DNAAF9: variants seen among roughly 807,000 people sequenced by gnomAD.
DNAAF9 encodes dynein axonemal assembly factor 9.
DNAAF9 carries 90 observed loss-of-function variants against 167.0 expected under a neutral mutation model. That is an observed-to-expected ratio of 0.54 (90% CI 0.45 to 0.64). DNAAF9 has a LOEUF of 0.64. Among genes scored for constraint, DNAAF9 ranks in the 30% least tolerant of loss-of-function variants. DNAAF9 has a pLI of 0.00. For missense variants in DNAAF9, 1,315 were observed against 1,442.2 expected, an observed-to-expected ratio of 0.91 and a Z score of 1.43; for synonymous variants, 491 against 508.8, an observed-to-expected ratio of 0.96 and a Z score of 0.47.
At chr20:3,358,867 G>A (rs1042039525) in intron 7 of DNAAF9, among the ~76,000 whole-genome samples, 2 of 152,102 alleles carry the variant, frequency 1.3e-5, no homozygotes, top group African/African-American at 2.4e-5. Context: ...AGACACCACT[G>A]ACCTGCCTAA....
At chr20:3,308,193 T>A (rs547725040) in intron 20 of DNAAF9, among the ~76,000 whole-genome samples, 1 of 152,148 alleles carries the variant, frequency 6.6e-6, no homozygotes, top group South Asian at 2.1e-4. Flanking sequence ...CTTAGTTTTG[T>A]CTGTGTTTTT....
intron 32 of DNAAF9, 66 bp from the exon 33 acceptor site, chr20:3,259,620 G>T: frequency 8.7e-7 from 1 of 1,153,032 alleles, no homozygotes; most frequent in Non-Finnish European, 1.3e-6. Flanking sequence ...GGACAGCACA[G>T]CTGGGAGTTT....
At chr20:3,303,501 T>C (rs1377493795) in intron 21 of DNAAF9, among the ~76,000 whole-genome samples, 1 of 152,196 alleles carries the variant, frequency 6.6e-6, no homozygotes, top group Non-Finnish European at 1.5e-5. Flanking sequence ...CATGATGCAT[T>C]CTTTCTTCCC....
Position 3,294,686 on chromosome 20 carries a change from T to C in DNAAF9, c.2019-57A>G, listed in dbSNP as rs900038888. ...CCATCTTCCTTCAGCATATACACTT[T>C]ACACAACTGGGCCTGATGCTTTCAA... On this transcript the variant is annotated intron_variant, in intron 23 of 36. Coordinates refer to ENST00000252032, the MANE Select transcript of DNAAF9 (RefSeq NM_001009984.3). 2.7e-6 allele frequency: 3 copies of C among 1,122,232 alleles called. No homozygotes were observed. In the African/African-American group the frequency reaches 4.6e-5, roughly 17 times the overall value. 69.5% of individuals were successfully genotyped at this position (1,122,232 alleles called of 1,614,324 possible). A position where few individuals can be genotyped will look rare whatever the true frequency, so the allele number is the denominator to read the frequency against.
At chr20:3,320,105 T>C (rs940370431) in intron 16 of DNAAF9, among the ~76,000 whole-genome samples, 3 of 152,202 alleles carry the variant, frequency 2.0e-5, no homozygotes, top group Non-Finnish European at 4.4e-5. Context: ...TGTTATGTAC[T>C]TCCCACCATG....
At chr20:3,358,018 A>G (rs904526526) in intron 7 of DNAAF9, among the ~76,000 whole-genome samples, 10 of 151,840 alleles carry the variant, frequency 6.6e-5, no homozygotes, top group Admixed American at 3.9e-4. Context: ...AAAAATATAT[A>G]TATTTTTAAA....
intron 1 of DNAAF9, among the ~76,000 whole-genome samples, chr20:3,385,339 A>T (rs892428852): frequency 1.3e-5 from 2 of 152,204 alleles, no homozygotes; most frequent in African/African-American, 4.8e-5. Context: ...AGGAAATCTT[A>T]AGGATTCTAC....
chr20:3,318,312 G>A lies in DNAAF9; in HGVS notation c.1445C>T (p.Ser482Phe). The A allele has an allele frequency of 1.3e-6, 2 of 1,554,934 alleles. No individual in the cohort carries two copies. The highest frequency in any genetic ancestry group is 8.9e-7 in the Non-Finnish European group (1 of 1,129,230). ...ACCCTTTTCTTTAACTAAGATCTGA[G>A]AAGTCAAAAATGATTCAGAGAAAAC... ...SVVFSESFLT[S>F]QILVKEKDGT... Residue 482 changes from serine (S) to phenylalanine (F), a missense_variant, in exon 17 of 37, where the codon TCT becomes TTT. Physicochemically the swap from Ser to Phe is radical, Grantham distance 155. Transcript: ENST00000252032.
intron 25 of DNAAF9, 97 bp downstream of exon 25, chr20:3,294,042 T>C: frequency 1.4e-6 from 1 of 735,658 alleles, no homozygotes; most frequent in Non-Finnish European, 2.4e-6. Flanking sequence ...AGGGACTCCA[T>C]CTAAGTTCTT....
intron 25 of DNAAF9, among the ~76,000 whole-genome samples, chr20:3,292,433 AC>A (rs2068975748): frequency 6.6e-6 from 1 of 152,202 alleles, no homozygotes; most frequent in East Asian, 1.9e-4. Context: ...TATCTTCTAG[AC>A]TTGCATGGAA....
At chr20:3,343,188 G>A (rs2070121649) in intron 9 of DNAAF9, among the ~76,000 whole-genome samples, 1 of 152,244 alleles carries the variant, frequency 6.6e-6, no homozygotes, top group South Asian at 2.1e-4. Context: ...TAGAAACAGA[G>A]TTTCACTCTT....
chr20:3,285,306 G>T (rs1232446575), intron 27 of DNAAF9, among the ~76,000 whole-genome samples: 2 of 152,146 alleles, frequency 1.3e-5, no homozygotes, highest in East Asian at 3.9e-4. Context: ...CACCACTTTG[G>T]GAGGCTGAGG....
chr20:3,375,843 G>A (rs564838118), intron 4 of DNAAF9, among the ~76,000 whole-genome samples: 10 of 150,912 alleles, frequency 6.6e-5, no homozygotes, highest in South Asian at 4.2e-4. Flanking sequence ...GTGAGACTCC[G>A]TCCCAGAAAA....
intron 1 of DNAAF9, among the ~76,000 whole-genome samples, chr20:3,386,667 G>A (rs1010439016): frequency 1.3e-4 from 20 of 151,782 alleles, no homozygotes; most frequent in Non-Finnish European, 4.4e-5. Context: ...TTGAGAGAAT[G>A]AAAAGACAAG....
chr20:3,343,827 GGA>G (rs1179043348), intron 8 of DNAAF9, 96 bp from the exon 9 acceptor site: 1 of 884,104 alleles, frequency 1.1e-6, no homozygotes, highest in African/African-American at 1.7e-5. Context: ...ACATGCTTCA[GGA>G]GAGTGCACAG....
At chr20:3,389,469 G>A (rs963543880) in intron 1 of DNAAF9, among the ~76,000 whole-genome samples, 3 of 151,826 alleles carry the variant, frequency 2.0e-5, no homozygotes, top group Non-Finnish European at 4.4e-5. Flanking sequence ...AATTTTTTTA[G>A]AAGTTAAAAA....
At position 3,322,271 on chromosome 20, in the gene DNAAF9, G is replaced by C; in HGVS notation, c.1311-9C>G. 6.3e-7 allele frequency: 1 copy of C among 1,593,674 alleles called. No homozygotes were observed. The highest frequency in any genetic ancestry group is 1.3e-5 in the African/African-American group (1 of 74,642). On this transcript the variant is annotated splice_polypyrimidine_tract_variant and intron_variant, in intron 15 of 36. Coordinates refer to ENST00000252032, the MANE Select transcript of DNAAF9 (RefSeq NM_001009984.3). Reference sequence around the variant, plus strand: ...TGTCCAGCGGTACAATTCTAGGAGGGGAAAGAGATGGAAGACTATGTTAAA... The same window carrying C: ...TGTCCAGCGGTACAATTCTAGGAGGCGAAAGAGATGGAAGACTATGTTAAA...
At chr20:3,293,036 A>T (rs946801076) in intron 25 of DNAAF9, among the ~76,000 whole-genome samples, 1 of 151,962 alleles carries the variant, frequency 6.6e-6, no homozygotes, top group African/African-American at 2.4e-5. Context: ...CAGTGAGCCA[A>T]GATTGTGCCA....
In DNAAF9 at chr20:3,316,753, A is replaced by G. The variant is rs2069507094; in HGVS notation, c.1509T>C (p.Thr503=). 1 of 1,613,912 alleles carries G rather than the reference A, an allele frequency of 6.2e-7. No homozygotes were observed. The highest frequency in any genetic ancestry group is 8.5e-7 in the Non-Finnish European group (1 of 1,179,816). Residue 503 remains threonine, a synonymous_variant, in exon 18 of 37, where the codon ACT becomes ACC. Transcript: ENST00000252032. ...VTTETSSVVL[T]AAVPRFCSWL... The stretch of plus-strand genomic sequence containing the variant: ...AGGAGCAGAATCTGGGTACAGCAGC[A>G]GTCAGGACTACGGAGCTGGTTTCTG...
Sources: gnomAD v4.1 joint callset for allele counts (sites outside exome capture counted in the v4.1 genomes callset) on GRCh38, gnomAD v4.1.1 for gene constraint, MANE v1.5 for transcripts, NCBI Gene and HGNC (gene_info 2026-07-23, HGNC 2026-07-21) for gene names.